The following OPCML variants were observed in gnomAD, a reference collection of about 807,000 sequenced individuals.
The protein encoded by OPCML is opioid binding protein/cell adhesion molecule like, also known as opioid-binding protein/cell adhesion molecule.
Under a neutral mutation model 37.8 loss-of-function variants are expected in OPCML, and 13 were observed. The observed-to-expected ratio is 0.34, with a 90% CI of 0.22 to 0.55. The LOEUF (loss-of-function observed/expected upper bound fraction) is 0.55, where lower values mean the gene tolerates loss of function less well. Ranked by LOEUF, OPCML falls within the 20% of genes least tolerant of loss-of-function variation. The probability of loss-of-function intolerance (pLI) is 0.91; values close to 1 mark genes in which losing one functional copy is unlikely to be tolerated. For synonymous variants in OPCML, 176 were observed against 168.8 expected, an observed-to-expected ratio of 1.04 and a Z score of -0.33; for missense variants, 341 against 435.6, an observed-to-expected ratio of 0.78 and a Z score of 1.93.
chr11:132,791,661 A>G (rs985742345), intron 2 of OPCML, among the ~76,000 whole-genome samples: 8 of 152,166 alleles, frequency 5.3e-5, no homozygotes, highest in Non-Finnish European at 8.8e-5. Context: ...TATGTTCCAT[A>G]TATGCTTACC....
chr11:132,744,988 G>A (rs1217273037), intron 2 of OPCML, among the ~76,000 whole-genome samples: 1 of 152,150 alleles, frequency 6.6e-6, no homozygotes, highest in Non-Finnish European at 1.5e-5. Flanking sequence ...ATATAGCAGA[G>A]CAGGCAGCTC....
chr11:132,925,281 TTC>T (rs1944949670), intron 2 of OPCML, among the ~76,000 whole-genome samples: 1 of 152,262 alleles, frequency 6.6e-6, no homozygotes, highest in Admixed American at 6.5e-5. Flanking sequence ...TGCTGATGTT[TTC>T]TCTGTCTCTT....
chr11:133,362,056 G>A (rs1246552656), intron 1 of OPCML: 2 of 152,280 alleles, frequency 1.3e-5, no homozygotes, highest in African/African-American at 4.8e-5. Context: ...AGGAGGTCGG[G>A]GCTGCGGGCG....
intron 1 of OPCML, among the ~76,000 whole-genome samples, chr11:133,237,689 T>A (rs1180677152): frequency 6.6e-6 from 1 of 152,196 alleles, no homozygotes; most frequent in Non-Finnish European, 1.5e-5. Context: ...TCATCCTTCC[T>A]CTCTTCAAAC....
intron 1 of OPCML, among the ~76,000 whole-genome samples, chr11:133,190,771 T>A (rs1200047815): frequency 6.6e-6 from 1 of 152,186 alleles, no homozygotes; most frequent in Non-Finnish European, 1.5e-5. Context: ...TCACTTGGTA[T>A]AATGTTTTCA....
At chr11:132,680,003 C>CTTCAAT (rs1942870044) in intron 2 of OPCML, among the ~76,000 whole-genome samples, 3 of 152,108 alleles carry the variant, frequency 2.0e-5, no homozygotes, top group Admixed American at 2.0e-4. Flanking sequence ...TCAATTTATT[C>CTTCAAT]TTCAATTTTT....
At chr11:133,271,178 G>A (rs999047315) in intron 1 of OPCML, among the ~76,000 whole-genome samples, 3 of 152,174 alleles carry the variant, frequency 2.0e-5, no homozygotes, top group African/African-American at 7.2e-5. Context: ...AAATAAGAGG[G>A]TGATAATGCC....
intron 4 of OPCML, among the ~76,000 whole-genome samples, chr11:132,468,594 ATTCT>A (rs2096126511): frequency 6.6e-6 from 1 of 152,230 alleles, no homozygotes; most frequent in Non-Finnish European, 1.5e-5. Context: ...AAAAAAATTG[ATTCT>A]TTCAGAAAAC....
rs568012080 is a variant in OPCML at position 132,458,844 on chromosome 11, T to C, written c.506-21485A>G. ...ACTCAGTCTATTCAATAGATTGTTC[T>C]GGTTGACATATGTGAAGAAAATGTA... On this transcript the variant is annotated intron_variant, in intron 4 of 7. Transcript: ENST00000524381. 2.0e-5 allele frequency among the ~76,000 whole-genome samples: 3 copies of C among 152,308 alleles called. No individual in the cohort carries two copies. In the South Asian group the frequency reaches 6.2e-4, roughly 32 times the overall value.
At position 132,968,280 on chromosome 11, in the gene OPCML, T is replaced by C. The variant is rs553077914; in HGVS notation, c.62-25270A>G. On this transcript the variant is annotated intron_variant, in intron 1 of 7. Coordinates refer to ENST00000524381, the MANE Select transcript of OPCML (RefSeq NM_001012393.5). ...CTATAATGAAATATTTAAAACTGGA[T>C]AATTTATTTTTAGAAACAAAACATT... Among the ~76,000 whole-genome samples, 13 of 152,348 alleles carry C rather than the reference T, an allele frequency of 8.5e-5. No individual in the cohort carries two copies. In the East Asian group the frequency reaches 2.5e-3, roughly 29 times the overall value.
chr11:133,346,470 A>G (rs1429806081), intron 1 of OPCML, among the ~76,000 whole-genome samples: 3 of 152,248 alleles, frequency 2.0e-5, no homozygotes, highest in Non-Finnish European at 4.4e-5. Flanking sequence ...AGGGGACTAC[A>G]GAAGAATAGA....
chr11:133,283,478 G>A (rs1942216985), intron 1 of OPCML, among the ~76,000 whole-genome samples: 2 of 151,554 alleles, frequency 1.3e-5, no homozygotes, highest in Admixed American at 1.3e-4. Context: ...CTTACCAGAA[G>A]CTGAGCAGAT....
chr11:132,921,278 T>C (rs1944790815), intron 2 of OPCML, among the ~76,000 whole-genome samples: 1 of 152,194 alleles, frequency 6.6e-6, no homozygotes, highest in Non-Finnish European at 1.5e-5. Flanking sequence ...TTGATCACGG[T>C]AAGGCCACGA....
chr11:133,292,222 G>A (rs1244136063), intron 1 of OPCML, among the ~76,000 whole-genome samples: 1 of 151,896 alleles, frequency 6.6e-6, no homozygotes, highest in Non-Finnish European at 1.5e-5. Context: ...CAAAAGGGAG[G>A]GGAAAAAAGA....
intron 7 of OPCML, among the ~76,000 whole-genome samples, chr11:132,435,765 G>A (rs1434980177): frequency 6.6e-6 from 1 of 152,136 alleles, no homozygotes. Flanking sequence ...ACTACAGAAG[G>A]CATCTTAAAA....
intron 2 of OPCML, among the ~76,000 whole-genome samples, chr11:132,893,039 A>G (rs1344298187): frequency 1.3e-5 from 2 of 151,670 alleles, no homozygotes; most frequent in African/African-American, 4.9e-5. Flanking sequence ...CTCACATTTC[A>G]CCCCTCTGCC....
intron 1 of OPCML, among the ~76,000 whole-genome samples, chr11:132,956,092 A>T (rs1190397079): frequency 6.6e-6 from 1 of 152,248 alleles, no homozygotes; most frequent in African/African-American, 2.4e-5. Context: ...CAAATATTAA[A>T]TAATCAAAGA....
In OPCML at chr11:133,141,051, A is replaced by AGACGAAGACGAAGAC. The variant is rs1475412006; in HGVS notation, c.62-198042_62-198041insGTCTTCGTCTTCGTC. 3.2e-4 allele frequency among the ~76,000 whole-genome samples: 17 copies of AGACGAAGACGAAGAC among 53,704 alleles called. 2 individuals carry two copies. Among genetic ancestry groups the AGACGAAGACGAAGAC allele is most frequent in the African/African-American group, 9.3e-4 (17 of 18,334 alleles). The allele number at this position is 53,704 out of a possible 152,430, so 35.2% of individuals were successfully genotyped here. The stretch of plus-strand genomic sequence containing the variant: ...ACGACGACGACGACGACGACGACGA[A>AGACGAAGACGAAGAC]GAAGAAGAAGAAGAAGAAGAAGAAG... On this transcript the variant is annotated intron_variant, in intron 1 of 7. Coordinates refer to ENST00000524381, the MANE Select transcript of OPCML (RefSeq NM_001012393.5).
At chr11:132,692,106 G>A (rs2135892220) in intron 2 of OPCML, among the ~76,000 whole-genome samples, 1 of 152,216 alleles carries the variant, frequency 6.6e-6, no homozygotes, top group South Asian at 2.1e-4. Flanking sequence ...TCAATCAAAA[G>A]CAGCAGAAGA....
Sources: gnomAD v4.1 joint callset for allele counts (sites outside exome capture counted in the v4.1 genomes callset) on GRCh38, gnomAD v4.1.1 for gene constraint, MANE v1.5 for transcripts, NCBI Gene and HGNC (gene_info 2026-07-23, HGNC 2026-07-21) for gene names.